The following CEP128 variants were observed in gnomAD, a reference collection of about 807,000 sequenced individuals.
CEP128 encodes centrosomal protein 128.
CEP128 carries 132 observed loss-of-function variants against 156.7 expected under a neutral mutation model. The observed-to-expected ratio is 0.84, with a 90% CI of 0.73 to 0.97. CEP128 has a LOEUF of 0.97. CEP128 is among the 50% of genes least tolerant of loss of function. The pLI is 0.00. For synonymous variants in CEP128, 469 were observed against 448.9 expected, an observed-to-expected ratio of 1.04 and a Z score of -0.57; for missense variants, 1,252 against 1,281.9, an observed-to-expected ratio of 0.98 and a Z score of 0.36.
intron 13 of CEP128, among the ~76,000 whole-genome samples, chr14:80,812,608 G>A (rs946543465): frequency 6.6e-6 from 1 of 152,188 alleles, no homozygotes; most frequent in Admixed American, 6.5e-5. Context: ...TCGCTCTGTT[G>A]CCCAGGCTGG....
At chr14:80,514,813 G>A (rs975505059) in intron 23 of CEP128, 1 of 198,536 alleles carries the variant, frequency 5.0e-6, no homozygotes, top group Non-Finnish European at 1.1e-5. Flanking sequence ...GAAGAGTTGG[G>A]TATCTATTGT....
At position 80,878,849 on chromosome 14, in the gene CEP128, T is replaced by C. The variant is rs148909592; in HGVS notation, c.646-15976A>G. On this transcript the variant is annotated intron_variant, in intron 8 of 24. Coordinates refer to ENST00000555265, the MANE Select transcript of CEP128 (RefSeq NM_152446.5). ...TCAGAAGACAATGTGTGCAAGAGTC[T>C]GACCTCACGACCACTCTGAGCATCT... 3.3e-3 allele frequency among the ~76,000 whole-genome samples: 503 copies of C among 152,324 alleles called. 8 individuals carry two copies. Among genetic ancestry groups the C allele is most frequent in the Admixed American group, 0.03 (454 of 15,296 alleles).
At chr14:80,514,013 C>T (rs2140225997) in intron 23 of CEP128, among the ~76,000 whole-genome samples, 1 of 152,284 alleles carries the variant, frequency 6.6e-6, no homozygotes, top group South Asian at 2.1e-4. Context: ...TAAGGGCAGC[C>T]ACTATAAGAC....
intron 23 of CEP128, among the ~76,000 whole-genome samples, chr14:80,509,157 C>G (rs1888127679): frequency 6.6e-6 from 1 of 152,130 alleles, no homozygotes; most frequent in Non-Finnish European, 1.5e-5. Context: ...CCCTGTATAC[C>G]TAGAAGTGAG....
At chr14:80,619,110 T>C (rs1893353869) in intron 19 of CEP128, among the ~76,000 whole-genome samples, 1 of 151,872 alleles carries the variant, frequency 6.6e-6, no homozygotes, top group African/African-American at 2.4e-5. Flanking sequence ...AACTGAAAAA[T>C]TGGCCTTGGG....
intron 13 of CEP128, among the ~76,000 whole-genome samples, chr14:80,813,608 T>C (rs931305515): frequency 4.1e-4 from 62 of 152,296 alleles, no homozygotes; most frequent in African/African-American, 1.4e-3. Flanking sequence ...TAAAAATTAC[T>C]ATATACATCC....
At chr14:80,931,064 T>A (rs1282200409) in intron 2 of CEP128, among the ~76,000 whole-genome samples, 2 of 152,208 alleles carry the variant, frequency 1.3e-5, no homozygotes, top group Non-Finnish European at 2.9e-5. Context: ...AGCCTGTCAA[T>A]GTTGACGATA....
intron 18 of CEP128, among the ~76,000 whole-genome samples, chr14:80,754,459 C>CTTTTT (rs758603562): frequency 1.3e-3 from 132 of 104,738 alleles, no homozygotes; most frequent in Non-Finnish European, 2.0e-3. Flanking sequence ...ATGTCCTGTT[C>CTTTTT]TTTTTTTTTT....
At chr14:80,948,003 T>C (rs907048190) in intron 2 of CEP128, among the ~76,000 whole-genome samples, 1 of 152,120 alleles carries the variant, frequency 6.6e-6, no homozygotes, top group African/African-American at 2.4e-5. Context: ...ATGGTCAAGC[T>C]CCCCTATAGT....
At chr14:80,517,795 G>A (rs889348744) in intron 23 of CEP128, among the ~76,000 whole-genome samples, 1 of 152,108 alleles carries the variant, frequency 6.6e-6, no homozygotes, top group Non-Finnish European at 1.5e-5. Context: ...GAAGAGAACC[G>A]TGGAACCTAG....
intron 19 of CEP128, among the ~76,000 whole-genome samples, chr14:80,719,129 T>C (rs1425520351): frequency 6.6e-6 from 1 of 152,200 alleles, no homozygotes; most frequent in African/African-American, 2.4e-5. Context: ...AATGACAGTT[T>C]ACAAATGCCA....
At chr14:80,746,828 G>A (rs1899126751) in intron 18 of CEP128, among the ~76,000 whole-genome samples, 1 of 152,170 alleles carries the variant, frequency 6.6e-6, no homozygotes, top group South Asian at 2.1e-4. Flanking sequence ...GAAAATATTT[G>A]CAACTCAATG....
At chr14:80,899,371 A>C (rs1883393947) in intron 7 of CEP128, among the ~76,000 whole-genome samples, 1 of 152,220 alleles carries the variant, frequency 6.6e-6, no homozygotes, top group South Asian at 2.1e-4. Context: ...CCTCCAAAAG[A>C]AAGCCACCTG....
intron 19 of CEP128, among the ~76,000 whole-genome samples, chr14:80,654,816 C>T (rs1488154759): frequency 2.0e-5 from 3 of 151,980 alleles, no homozygotes; most frequent in Non-Finnish European, 4.4e-5. Context: ...TAACTCAAAT[C>T]TCTAATCTTC....
chr14:80,561,210 A>G (rs111897937), intron 20 of CEP128, among the ~76,000 whole-genome samples: 1 of 152,228 alleles, frequency 6.6e-6, no homozygotes, highest in Non-Finnish European at 1.5e-5. Flanking sequence ...TGAATACATT[A>G]TGCAAAATTA....
At chr14:80,610,386 T>C (rs1247951221) in intron 19 of CEP128, among the ~76,000 whole-genome samples, 1 of 152,172 alleles carries the variant, frequency 6.6e-6, no homozygotes, top group Non-Finnish European at 1.5e-5. Context: ...AACAGTAACA[T>C]ATCATGTAGT....
chr14:80,599,655 A>T (rs924998956), intron 19 of CEP128, among the ~76,000 whole-genome samples: 12 of 152,122 alleles, frequency 7.9e-5, no homozygotes, highest in Non-Finnish European at 1.8e-4. Context: ...GTACTACTTT[A>T]AAAAAGAAAG....
At chr14:80,909,850 C>T (rs1284611410) in intron 4 of CEP128, among the ~76,000 whole-genome samples, 2 of 152,124 alleles carry the variant, frequency 1.3e-5, no homozygotes, top group African/African-American at 2.4e-5. Flanking sequence ...TTGTTTTAAA[C>T]TCTTTTGGAT....
chr14:80,911,111 G>A (rs990124683), intron 4 of CEP128, among the ~76,000 whole-genome samples: 5 of 152,132 alleles, frequency 3.3e-5, no homozygotes, highest in African/African-American at 7.2e-5. Context: ...CATATAAAAC[G>A]CAAAAGGATT....
Sources: gnomAD v4.1 joint callset for allele counts (sites outside exome capture counted in the v4.1 genomes callset) on GRCh38, gnomAD v4.1.1 for gene constraint, MANE v1.5 for transcripts, NCBI Gene and HGNC (gene_info 2026-07-23, HGNC 2026-07-21) for gene names.